MACF1: variants seen among roughly 807,000 people sequenced by gnomAD.
MACF1 encodes microtubule actin crosslinking factor 1.
MACF1 carries 193 observed loss-of-function variants against 854.8 expected under a neutral mutation model. The ratio of observed to expected loss-of-function variants is 0.23; its 90% CI spans 0.20 to 0.25. The LOEUF is 0.25. Among genes scored for constraint, MACF1 ranks in the 10% least tolerant of loss-of-function variants. The pLI is 1.00. For synonymous variants in MACF1, 3,185 were observed against 3,226.7 expected, an observed-to-expected ratio of 0.99 and a Z score of 0.44; for missense variants, 7,722 against 8,929.1, an observed-to-expected ratio of 0.86 and a Z score of 5.45.
At chr1:39,221,549 GT>G (rs1361715003) in intron 1 of MACF1, among the ~76,000 whole-genome samples, 1 of 152,072 alleles carries the variant, frequency 6.6e-6, no homozygotes, top group Non-Finnish European at 1.5e-5. Context: ...ACCTCTTTCT[GT>G]TTTCATTATC....
At chr1:39,227,149 A>T (rs1644725944) in intron 1 of MACF1, among the ~76,000 whole-genome samples, 1 of 152,026 alleles carries the variant, frequency 6.6e-6, no homozygotes. Context: ...CCCAGGCTCA[A>T]GTGATCCTTC....
At chr1:39,390,735 G>A (rs1225745204) in intron 58 of MACF1, among the ~76,000 whole-genome samples, 2 of 152,108 alleles carry the variant, frequency 1.3e-5, no homozygotes, top group Non-Finnish European at 2.9e-5. Flanking sequence ...TTGCATCCAG[G>A]CTATTTAGAA....
rs1358737908 is a variant in MACF1 at position 39,340,541 on chromosome 1, A to G, written c.10255A>G (p.Ser3419Gly). Residue 3419 changes from serine (S) to glycine (G), a missense_variant, in exon 39 of 101, where the codon AGT becomes GGT. Transcript: ENST00000564288. ...RELKDLTTLV[S>G]QELECVNQII... The stretch of plus-strand genomic sequence containing the variant: ...GTTAAAGGATCTGACCACCTTGGTC[A>G]GTCAGGAGCTGGAGTGTGTGAATCA... 8 of 1,613,968 alleles carry G rather than the reference A, an allele frequency of 5.0e-6. No homozygotes were observed. The highest frequency in any genetic ancestry group is 6.8e-6 in the Non-Finnish European group (8 of 1,180,036).
intron 96 of MACF1, 139 bp from the exon 97 acceptor site, chr1:39,469,408 C>G: frequency 3.0e-6 from 2 of 677,230 alleles, no homozygotes; most frequent in Non-Finnish European, 2.7e-6. Flanking sequence ...TCAGCTATGT[C>G]CTTGCCTTTT....
At chr1:39,376,376 A>G (rs1649720596) in intron 52 of MACF1, among the ~76,000 whole-genome samples, 1 of 152,256 alleles carries the variant, frequency 6.6e-6, no homozygotes, top group Non-Finnish European at 1.5e-5. Context: ...CTGAAAAACC[A>G]TGTATATTTC....
chr1:39,255,967 G>T (rs1309243513), intron 5 of MACF1, among the ~76,000 whole-genome samples: 1 of 152,170 alleles, frequency 6.6e-6, no homozygotes, highest in Non-Finnish European at 1.5e-5. Flanking sequence ...ATTCAAAGAA[G>T]GGCAGGGAGA....
chr1:39,346,117 A>G (rs1647040741), intron 40 of MACF1, among the ~76,000 whole-genome samples: 1 of 151,082 alleles, frequency 6.6e-6, no homozygotes, highest in Non-Finnish European at 1.5e-5. Flanking sequence ...TAATCCCAAC[A>G]GTTTGGGAGG....
At chr1:39,327,086 G>A (rs1443194615) in intron 35 of MACF1, 132 bp from the exon 36 acceptor site, 3 of 875,680 alleles carry the variant, frequency 3.4e-6, no homozygotes, top group Middle Eastern at 6.9e-4. Context: ...TGACTGAAAT[G>A]CCAAAGTCTC....
rs1557609621 is a variant in MACF1 at position 39,360,916 on chromosome 1, T to C, written c.12368T>C (p.Ile4123Thr). ...AGCCTGGAGAGCCTGTTGCAGTCTA[T>C]TGGGGAAGTTGAACAAAACCTGGAA... ...QESLESLLQS[I>T]GEVEQNLEGK... Residue 4123 changes from isoleucine to threonine, a missense_variant, in exon 48 of 101, where the codon ATT becomes ACT. Ile to Thr is a moderately conservative substitution (Grantham distance 89). This residue lies in a region of MACF1 where 2,807 missense variants were observed against 3,235.8 expected (regional missense o/e 0.87). Coordinates refer to ENST00000564288, the MANE Select transcript of MACF1 (RefSeq NM_001394062.1). The C allele has an allele frequency of 3.7e-6, 6 of 1,614,024 alleles. No individual in the cohort carries two copies. Among genetic ancestry groups the C allele is most frequent in the East Asian group, 2.2e-5 (1 of 44,876 alleles).
At chr1:39,411,526 G>A (rs1643006015) in intron 58 of MACF1, 1 of 1,613,784 alleles carries the variant, frequency 6.2e-7, no homozygotes, top group Middle Eastern at 1.6e-4. Flanking sequence ...TTGCGATTGT[G>A]TTCTTACAGG....
intron 2 of MACF1, among the ~76,000 whole-genome samples, chr1:39,197,601 A>G (rs1377320359): frequency 6.6e-6 from 1 of 152,198 alleles, no homozygotes; most frequent in African/African-American, 2.4e-5. Flanking sequence ...GACTGTGAAA[A>G]GACGGTTGTG....
At chr1:39,113,051 GAGT>G (rs1642451771) in intron 2 of MACF1, among the ~76,000 whole-genome samples, 1 of 151,862 alleles carries the variant, frequency 6.6e-6, no homozygotes. Flanking sequence ...GCTTCCCAGA[GAGT>G]AGATTTCTAC....
chr1:39,324,977 G>A (rs1646582281), intron 35 of MACF1, among the ~76,000 whole-genome samples: 1 of 152,226 alleles, frequency 6.6e-6, no homozygotes, highest in Non-Finnish European at 1.5e-5. Context: ...GGATTGACAT[G>A]TGGTGAGAAT....
chr1:39,246,551 C>T (rs751792350), intron 2 of MACF1, among the ~76,000 whole-genome samples: 17 of 151,932 alleles, frequency 1.1e-4, no homozygotes, highest in East Asian at 1.9e-4. Flanking sequence ...TCCTGTTGCC[C>T]GGGCTGGAGT....
chr1:39,312,383 A>G (rs1646318498), intron 26 of MACF1, among the ~76,000 whole-genome samples: 1 of 152,220 alleles, frequency 6.6e-6, no homozygotes, highest in Non-Finnish European at 1.5e-5. Flanking sequence ...TTTATTCTAT[A>G]TATTATACAT....
chr1:39,134,157 C>G (rs1553143399), intron 2 of MACF1, among the ~76,000 whole-genome samples: 1 of 148,786 alleles, frequency 6.7e-6, no homozygotes. Flanking sequence ...TCTCTTGCCT[C>G]AGCCTCCCGA....
chr1:39,088,021 G>C (rs1641716583), intron 2 of MACF1, among the ~76,000 whole-genome samples: 1 of 151,896 alleles, frequency 6.6e-6, no homozygotes, highest in African/African-American at 2.4e-5. Context: ...GAGTGCAGTG[G>C]TGCAATCTCT....
At chr1:39,160,261 C>G (rs1413170487) in intron 2 of MACF1, among the ~76,000 whole-genome samples, 1 of 152,096 alleles carries the variant, frequency 6.6e-6, no homozygotes, top group Non-Finnish European at 1.5e-5. Context: ...GGTACAGAAC[C>G]CAAATAACAC....
intron 38 of MACF1, among the ~76,000 whole-genome samples, chr1:39,337,875 T>C (rs1281199886): frequency 6.6e-6 from 1 of 151,938 alleles, no homozygotes; most frequent in Admixed American, 6.5e-5. Flanking sequence ...GTTTCCGCCA[T>C]TCTCCTGCCT....
Sources: allele counts gnomAD v4.1 joint callset (sites outside exome capture counted in the v4.1 genomes callset), GRCh38; gene constraint gnomAD v4.1.1; regional missense constraint gnomAD v4.1.1; transcripts MANE v1.5; gene names NCBI Gene and HGNC (gene_info 2026-07-23, HGNC 2026-07-21).